The following STK38L variants were observed in gnomAD, a reference collection of about 807,000 sequenced individuals.
The protein encoded by STK38L is serine/threonine-protein kinase 38-like.
A neutral mutation model predicts 59.7 loss-of-function variants in STK38L; 28 were observed. That is an observed-to-expected ratio of 0.47 (90% CI 0.35 to 0.64). The LOEUF is 0.64. STK38L is among the 30% of genes least tolerant of loss of function. The probability of loss-of-function intolerance (pLI) is 0.01; values close to 1 mark genes in which losing one functional copy is unlikely to be tolerated. For missense variants in STK38L, 314 were observed against 555.8 expected (o/e 0.56, Z 4.37); for synonymous variants, 162 against 176.8 (o/e 0.92, Z 0.66).
At chr12:27,275,177 C>T (rs147482701) in intron 1 of STK38L, among the ~76,000 whole-genome samples, 9 of 152,244 alleles carry the variant, frequency 5.9e-5, no homozygotes, top group Non-Finnish European at 1.2e-4. Context: ...CCCTCATCTC[C>T]TGCCACTTTT....
In STK38L at chr12:27,308,863, TATATAA is replaced by T. The variant is rs1191612962; in HGVS notation, c.310-239_310-234del. Among the ~76,000 whole-genome samples, 4 of 126,746 alleles carry T rather than the reference TATATAA, an allele frequency of 3.2e-5. No homozygotes were observed. Among genetic ancestry groups the T allele is most frequent in the African/African-American group, 1.0e-4 (4 of 38,932 alleles). The allele number at this position is 126,746 out of a possible 152,430, so 83.2% of individuals were successfully genotyped here. On this transcript the variant is annotated intron_variant, in intron 4 of 13. Coordinates refer to ENST00000389032, the MANE Select transcript of STK38L (RefSeq NM_015000.4). The surrounding 1 kb of genome is among the most constrained non-coding windows in gnomAD (Gnocchi z 4.5). ...GTTTGTATGTATATATAAAAAAATA[TATATAA>T]ATATAAATATATATAAATGTAAATA...
chr12:27,289,263 T>A (rs1326732813), intron 1 of STK38L, among the ~76,000 whole-genome samples: 1 of 152,202 alleles, frequency 6.6e-6, no homozygotes, highest in African/African-American at 2.4e-5. Context: ...GATCGGTAAA[T>A]AGAATTTTAA....
chr12:27,305,024 C>T (rs1041834651), intron 3 of STK38L, among the ~76,000 whole-genome samples: 2 of 152,136 alleles, frequency 1.3e-5, no homozygotes, highest in African/African-American at 4.8e-5. Flanking sequence ...TAATAAGAGT[C>T]CCAGCCCATG....
At chr12:27,306,460 GCTCT>G (rs957660069) in intron 3 of STK38L, among the ~76,000 whole-genome samples, 5 of 151,690 alleles carry the variant, frequency 3.3e-5, no homozygotes, top group African/African-American at 1.2e-4. Context: ...ACTTTTTAGA[GCTCT>G]CTTTTGTTTT....
intron 1 of STK38L, among the ~76,000 whole-genome samples, chr12:27,260,746 C>T (rs989518437): frequency 1.3e-5 from 2 of 152,146 alleles, no homozygotes; most frequent in Non-Finnish European, 2.9e-5. Flanking sequence ...CCTCTCCCAG[C>T]CCCTATACTT....
chr12:27,254,796 C>T (rs2881298), intron 1 of STK38L, among the ~76,000 whole-genome samples: 146,868 of 152,130 alleles, frequency 0.97, 70,941 homozygotes, highest in East Asian at 1. Flanking sequence ...AGGGGAGGCA[C>T]AGAGAGGGGG....
intron 1 of STK38L, among the ~76,000 whole-genome samples, chr12:27,280,995 A>G (rs948623500): frequency 1.3e-4 from 20 of 151,778 alleles, no homozygotes; most frequent in Non-Finnish European, 2.4e-4. Context: ...TAAGGTGATC[A>G]TGTAAGAGAA....
In STK38L at chr12:27,315,275, A is replaced by G; in HGVS notation, c.776-14A>G. ...TTTTCCCTCGTGATTACAATTCCAT[A>G]TTGTTGAAATTAGCATTTCAGAACA... On this transcript the variant is annotated splice_polypyrimidine_tract_variant and intron_variant, in intron 8 of 13. Coordinates refer to ENST00000389032, the MANE Select transcript of STK38L (RefSeq NM_015000.4). 6.2e-7 allele frequency: 1 copy of G among 1,613,170 alleles called. No homozygotes were observed.
At chr12:27,267,835 T>C (rs1021756342) in intron 1 of STK38L, among the ~76,000 whole-genome samples, 8 of 152,190 alleles carry the variant, frequency 5.3e-5, no homozygotes, top group African/African-American at 1.9e-4. Flanking sequence ...AGAATTGTAG[T>C]TGAGCATCTT....
At chr12:27,299,043 C>T (rs898370751) in intron 2 of STK38L, among the ~76,000 whole-genome samples, 1 of 152,080 alleles carries the variant, frequency 6.6e-6, no homozygotes, top group Non-Finnish European at 1.5e-5. Context: ...GGAAAGGAGG[C>T]TTGAATTAGA....
At chr12:27,311,323 C>T (rs975149010) in intron 5 of STK38L, among the ~76,000 whole-genome samples, 1 of 152,212 alleles carries the variant, frequency 6.6e-6, no homozygotes, top group African/African-American at 2.4e-5. Context: ...TACTCCTCAA[C>T]TCTTACGCTT....
At chr12:27,278,004 C>T (rs34405151) in intron 1 of STK38L, among the ~76,000 whole-genome samples, 6,798 of 152,164 alleles carry the variant, frequency 0.045, 173 homozygotes, top group Non-Finnish European at 0.061. Context: ...CTTTTCAGGT[C>T]ATGTATAAGG....
chr12:27,318,868 G>A (rs1342130699), intron 11 of STK38L, among the ~76,000 whole-genome samples: 1 of 152,166 alleles, frequency 6.6e-6, no homozygotes, highest in Non-Finnish European at 1.5e-5. Context: ...GCGGGCGCCT[G>A]TAGTCCCAGC....
At chr12:27,322,079 A>G in intron 12 of STK38L, 64 bp from the exon 13 acceptor site, 2 of 1,404,678 alleles carry the variant, frequency 1.4e-6, no homozygotes, top group South Asian at 2.5e-5. Flanking sequence ...TTACAAGTAG[A>G]ATTATTTGTT....
Position 27,284,068 on chromosome 12 carries a change from C to T in STK38L, c.-11-13642C>T, listed in dbSNP as rs367584454. On this transcript the variant is annotated intron_variant, in intron 1 of 13. Transcript: ENST00000389032. ...ATAAAATTGTCATTCTTTGGTCATC[C>T]GAAGAAAGCAGGCAGAAGCCAGTTG... Among the ~76,000 whole-genome samples the T allele has an allele frequency of 1.5e-3, 226 of 152,204 alleles. 2 individuals carry two copies. Among genetic ancestry groups the T allele is most frequent in the Admixed American group, 5.2e-3 (80 of 15,288 alleles).
At position 27,308,511 on chromosome 12, in the gene STK38L, T is replaced by G. The variant is rs1293825631; in HGVS notation, c.309+50T>G. On this transcript the variant is annotated intron_variant, in intron 4 of 13. Transcript: ENST00000389032. The surrounding 1 kb of genome is among the most constrained non-coding windows in gnomAD (Gnocchi z 4.5). ...ACTGCTGCAAATATATATCTTAAGA[T>G]AATTTAAAATATGTGTTAAAATATA... The G allele has an allele frequency of 2.1e-6, 3 of 1,444,410 alleles. No homozygotes were observed. The highest frequency in any genetic ancestry group is 2.8e-6 in the Non-Finnish European group (3 of 1,089,140). 89.5% of individuals were successfully genotyped at this position (1,444,410 alleles called of 1,614,324 possible).
At chr12:27,281,423 G>A (rs1223859203) in intron 1 of STK38L, among the ~76,000 whole-genome samples, 2 of 152,180 alleles carry the variant, frequency 1.3e-5, no homozygotes, top group Non-Finnish European at 2.9e-5. Flanking sequence ...GTTGTAAAAA[G>A]TAGGCATGGT....
At chr12:27,271,850 C>CAAAA (rs1298362578) in intron 1 of STK38L, among the ~76,000 whole-genome samples, 9 of 152,322 alleles carry the variant, frequency 5.9e-5, no homozygotes, top group Middle Eastern at 3.4e-3. Context: ...CAGGCGCACA[C>CAAAA]CACCGTGCCT....
At position 27,308,887 on chromosome 12, in the gene STK38L, T is replaced by A. The variant is rs1392608495; in HGVS notation, c.310-227T>A. On this transcript the variant is annotated intron_variant, in intron 4 of 13. Transcript: ENST00000389032. This position sits in a 1 kb window ranked among gnomAD's most constrained non-coding sequence, Gnocchi z 4.5. ...ATATATAAATATAAATATATATAAA[T>A]GTAAATATATAAATATATATAAATA... Among the ~76,000 whole-genome samples the A allele has an allele frequency of 6.9e-6, 1 of 145,530 alleles. No homozygotes were observed. Among genetic ancestry groups the A allele is most frequent in the African/African-American group, 2.5e-5 (1 of 40,120 alleles).
Sources: allele counts gnomAD v4.1 joint callset (sites outside exome capture counted in the v4.1 genomes callset), GRCh38; gene constraint gnomAD v4.1.1; non-coding constraint Gnocchi (gnomAD v3.1); transcripts MANE v1.5; gene names NCBI Gene and HGNC (gene_info 2026-07-23, HGNC 2026-07-21).